The following DCC variants were observed in gnomAD, a reference collection of about 807,000 sequenced individuals.
DCC encodes DCC netrin 1 receptor, also known as netrin receptor DCC.
In DCC, 58 loss-of-function variants were observed where a neutral mutation model predicts 172.5. That is an observed-to-expected ratio of 0.34 (90% CI 0.27 to 0.42). The LOEUF (loss-of-function observed/expected upper bound fraction) is 0.42. Ranked by LOEUF, DCC falls within the 10% of genes least tolerant of loss-of-function variation. DCC has a pLI of 1.00. For synonymous variants in DCC, 709 were observed against 644.5 expected (o/e 1.10, Z -1.52); for missense variants, 1,740 against 1,791.0 (o/e 0.97, Z 0.51).
chr18:53,235,606 T>C (rs2056189465), intron 12 of DCC, among the ~76,000 whole-genome samples: 1 of 152,200 alleles, frequency 6.6e-6, no homozygotes, highest in South Asian at 2.1e-4. Flanking sequence ...CTATCTTTTG[T>C]ACATGTAGTA....
At chr18:52,776,749 C>A (rs981770264) in intron 2 of DCC, among the ~76,000 whole-genome samples, 1 of 152,132 alleles carries the variant, frequency 6.6e-6, no homozygotes, top group Non-Finnish European at 1.5e-5. Flanking sequence ...CCCTGTGACT[C>A]CTCAACAAAC....
chr18:53,458,394 T>C (rs774602763), intron 23 of DCC, among the ~76,000 whole-genome samples: 1 of 152,178 alleles, frequency 6.6e-6, no homozygotes, highest in Non-Finnish European at 1.5e-5. Flanking sequence ...TAAAACTTTA[T>C]TTACAAAACT....
chr18:53,273,591 G>A (rs1226737690), intron 12 of DCC, among the ~76,000 whole-genome samples: 1 of 152,080 alleles, frequency 6.6e-6, no homozygotes, highest in African/African-American at 2.4e-5. Context: ...TTTCATGAGT[G>A]TTGCCTGAAA....
intron 2 of DCC, among the ~76,000 whole-genome samples, chr18:52,870,111 C>G (rs945148445): frequency 6.6e-6 from 1 of 152,160 alleles, no homozygotes; most frequent in Admixed American, 6.5e-5. Flanking sequence ...AGCAGGCTCT[C>G]GGGGGTGGGG....
intron 2 of DCC, among the ~76,000 whole-genome samples, chr18:52,815,745 ATAAG>A (rs1208370833): frequency 5.3e-5 from 8 of 152,342 alleles, no homozygotes; most frequent in Non-Finnish European, 8.8e-5. Context: ...TCAATAAATC[ATAAG>A]TAATAATGAT....
intron 1 of DCC, among the ~76,000 whole-genome samples, chr18:52,686,279 C>A (rs1460198): frequency 0.44 from 67,322 of 151,892 alleles, 15,860 homozygotes; most frequent in African/African-American, 0.59. Context: ...TGTGGCTACA[C>A]GTAATAGGGC....
chr18:52,764,745 A>T (rs1013611291), intron 2 of DCC, among the ~76,000 whole-genome samples: 1 of 152,344 alleles, frequency 6.6e-6, no homozygotes, highest in Non-Finnish European at 1.5e-5. Context: ...AACCTCAGAC[A>T]TTCCTTTATA....
chr18:52,419,598 A>G (rs746255149), intron 1 of DCC: 3 of 152,164 alleles, frequency 2.0e-5, no homozygotes, highest in Non-Finnish European at 4.4e-5. Flanking sequence ...GAATTCAACT[A>G]TAATCTGAGA....
At chr18:53,443,618 T>C (rs1475560477) in intron 22 of DCC, among the ~76,000 whole-genome samples, 1 of 152,210 alleles carries the variant, frequency 6.6e-6, no homozygotes, top group African/African-American at 2.4e-5. Flanking sequence ...ATTTCATAGA[T>C]ATGTCTTCCA....
intron 7 of DCC, among the ~76,000 whole-genome samples, chr18:53,082,412 T>A (rs1173569174): frequency 3.3e-5 from 5 of 152,064 alleles, no homozygotes; most frequent in African/African-American, 9.7e-5. Context: ...GGTAACACTT[T>A]TATAATAAAA....
intron 26 of DCC, among the ~76,000 whole-genome samples, chr18:53,490,256 G>A (rs1464768851): frequency 1.3e-5 from 2 of 152,164 alleles, no homozygotes; most frequent in South Asian, 2.1e-4. Context: ...CTGGGGTTAT[G>A]TAAAAATATT....
At chr18:53,357,624 A>G (rs2057891827) in intron 15 of DCC, among the ~76,000 whole-genome samples, 2 of 152,204 alleles carry the variant, frequency 1.3e-5, no homozygotes, top group South Asian at 2.1e-4. Context: ...GAAGCAGTTT[A>G]AGAAGAATTA....
At chr18:53,443,728 T>C (rs1004133490) in intron 22 of DCC, among the ~76,000 whole-genome samples, 1 of 152,248 alleles carries the variant, frequency 6.6e-6, no homozygotes, top group African/African-American at 2.4e-5. Context: ...AGAACATTTG[T>C]GATTCATGGG....
rs540726903 is a variant in DCC at position 52,946,938 on chromosome 18, TAAAC to T, written c.985+21572_985+21575del. On this transcript the variant is annotated intron_variant, in intron 5 of 28. Transcript: ENST00000442544. ...GCAAAATCAACGCAAACATCCATAATAAACAAAATATACAAATATTAAACACAGA... is the reference window on the plus strand; with the variant it reads ...GCAAAATCAACGCAAACATCCATAATAAAATATACAAATATTAAACACAGA... Among the ~76,000 whole-genome samples, 974 of 152,270 alleles carry T rather than the reference TAAAC, an allele frequency of 6.4e-3. 5 individuals carry two copies. The highest frequency in any genetic ancestry group is 0.01 in the Non-Finnish European group (695 of 68,016).
In DCC at chr18:53,228,378, ATTAG is replaced by A. The variant is rs1367032923; in HGVS notation, c.1911+12784_1911+12787del. 3.3e-5 allele frequency among the ~76,000 whole-genome samples: 5 copies of A among 152,292 alleles called. No homozygotes were observed. The East Asian group carries it at 9.6e-4, about 29-fold the overall frequency. On this transcript the variant is annotated intron_variant, in intron 12 of 28. Transcript: ENST00000442544. Reference sequence around the variant, plus strand: ...CAATCTTGGATTATTTCTTTCATTAATTAGTTTGTTTGTTTAATGATAAATATTC... The same window carrying A: ...CAATCTTGGATTATTTCTTTCATTAATTTGTTTGTTTAATGATAAATATTC...
At position 53,264,462 on chromosome 18, in the gene DCC, G is replaced by A. The variant is rs1303939595; in HGVS notation, c.1912-41116G>A. ...CTGCACTCCACCCTGGGCGAAACGAGCAAAACTCCGTCTCAAAAAAAAAAA... is the reference window on the plus strand; with the variant it reads ...CTGCACTCCACCCTGGGCGAAACGAACAAAACTCCGTCTCAAAAAAAAAAA... On this transcript the variant is annotated intron_variant, in intron 12 of 28. Coordinates refer to ENST00000442544, the MANE Select transcript of DCC (RefSeq NM_005215.4). Among the ~76,000 whole-genome samples the A allele has an allele frequency of 4.0e-5, 5 of 124,456 alleles. No homozygotes were observed. The South Asian group carries it at 1.2e-3, about 31-fold the overall frequency. 81.6% of individuals were successfully genotyped at this position (124,456 alleles called of 152,430 possible). A position where few individuals can be genotyped will look rare whatever the true frequency, so the allele number is the denominator to read the frequency against.
Position 53,531,016 on chromosome 18 carries a change from A to G in DCC, c.*363A>G, listed in dbSNP as rs2046520170. On this transcript the variant is annotated 3_prime_UTR_variant, in exon 29 of 29. Coordinates refer to ENST00000442544, the MANE Select transcript of DCC (RefSeq NM_005215.4). ...GGCCTGTTGTTTAATGTGTAGGTCTAGTCTTACAAAATGCAAGTGCATTAT... is the reference window on the plus strand; with the variant it reads ...GGCCTGTTGTTTAATGTGTAGGTCTGGTCTTACAAAATGCAAGTGCATTAT... 2.8e-6 allele frequency: 1 copy of G among 360,798 alleles called. No individual in the cohort carries two copies. The highest frequency in any genetic ancestry group is 2.1e-5 in the African/African-American group (1 of 47,796). The allele number at this position is 360,798 out of a possible 1,614,324, so 22.3% of individuals were successfully genotyped here. A position where few individuals can be genotyped will look rare whatever the true frequency, so the allele number is the denominator to read the frequency against.
At chr18:52,854,277 T>A (rs903416148) in intron 2 of DCC, among the ~76,000 whole-genome samples, 6 of 152,172 alleles carry the variant, frequency 3.9e-5, no homozygotes, top group African/African-American at 1.4e-4. Context: ...TATTTTTTTT[T>A]ATTCAGTGAT....
intron 1 of DCC, among the ~76,000 whole-genome samples, chr18:52,365,852 T>C (rs912481244): frequency 1.3e-5 from 2 of 152,184 alleles, no homozygotes; most frequent in Admixed American, 6.5e-5. Context: ...AGCCAATACA[T>C]AAATAAATGA....
Sources: gnomAD v4.1 joint callset for allele counts (sites outside exome capture counted in the v4.1 genomes callset) on GRCh38, gnomAD v4.1.1 for gene constraint, MANE v1.5 for transcripts, NCBI Gene and HGNC (gene_info 2026-07-23, HGNC 2026-07-21) for gene names.